SRPK2: variants seen among roughly 807,000 people sequenced by gnomAD.
SRPK2 encodes SFRS protein kinase 2.
A neutral mutation model predicts 90.8 loss-of-function variants in SRPK2; 21 were observed. The observed-to-expected ratio is 0.23, with a 90% CI of 0.16 to 0.33. The LOEUF is 0.33. Ranked by LOEUF, SRPK2 falls within the 10% of genes least tolerant of loss-of-function variation. The probability of loss-of-function intolerance (pLI) is 1.00; values close to 1 mark genes in which losing one functional copy is unlikely to be tolerated. For synonymous variants in SRPK2, 288 were observed against 311.1 expected (o/e 0.93, Z 0.78); for missense variants, 620 against 869.0 (o/e 0.71, Z 3.60).
At chr7:105,341,332 T>C (rs1041084798) in intron 2 of SRPK2, among the ~76,000 whole-genome samples, 3 of 123,478 alleles carry the variant, frequency 2.4e-5, no homozygotes, top group African/African-American at 9.7e-5. Context: ...CACTCCAGCC[T>C]GGGCGAAAGG....
intron 3 of SRPK2, among the ~76,000 whole-genome samples, chr7:105,173,756 T>C (rs188375274): frequency 2.0e-5 from 3 of 152,196 alleles, no homozygotes; most frequent in Non-Finnish European, 4.4e-5. Context: ...TATGGGACAA[T>C]AACACTGCTA....
chr7:105,287,280 A>G (rs1469697490), intron 2 of SRPK2, among the ~76,000 whole-genome samples: 6 of 136,104 alleles, frequency 4.4e-5, no homozygotes, highest in African/African-American at 5.6e-5. Context: ...AAAAAAAAAA[A>G]AAAAGAAGAA....
intron 2 of SRPK2, among the ~76,000 whole-genome samples, chr7:105,249,207 GC>G (rs1802152742): frequency 6.6e-6 from 1 of 152,120 alleles, no homozygotes; most frequent in Non-Finnish European, 1.5e-5. Flanking sequence ...ATACTCTGAG[GC>G]ATAGGGGTTT....
intron 2 of SRPK2, among the ~76,000 whole-genome samples, chr7:105,282,524 C>G (rs1436850279): frequency 6.6e-6 from 1 of 152,100 alleles, no homozygotes; most frequent in Non-Finnish European, 1.5e-5. Flanking sequence ...ATCAAAGGGC[C>G]AGGGGCAGAG....
At chr7:105,387,368 G>A (rs1184325951) in intron 2 of SRPK2, among the ~76,000 whole-genome samples, 1 of 152,138 alleles carries the variant, frequency 6.6e-6, no homozygotes, top group African/African-American at 2.4e-5. Context: ...TTGAAAGCTA[G>A]CACTAATTTT....
chr7:105,378,421 C>A (rs1044113774), intron 2 of SRPK2, among the ~76,000 whole-genome samples: 17 of 151,996 alleles, frequency 1.1e-4, no homozygotes, highest in Admixed American at 6.6e-5. Context: ...GGGCAAAAGA[C>A]TTAAAAAGGC....
intron 2 of SRPK2, among the ~76,000 whole-genome samples, chr7:105,277,502 C>A (rs1034759234): frequency 6.6e-6 from 1 of 152,224 alleles, no homozygotes; most frequent in African/African-American, 2.4e-5. Flanking sequence ...TCAAAACTGA[C>A]TGACTCATAA....
chr7:105,370,576 G>A (rs1585930073), intron 2 of SRPK2, among the ~76,000 whole-genome samples: 1 of 151,136 alleles, frequency 6.6e-6, no homozygotes, highest in African/African-American at 2.4e-5. Flanking sequence ...ATGCACTCTG[G>A]AACTGACAAG....
chr7:105,247,356 C>G (rs937899282), intron 2 of SRPK2, among the ~76,000 whole-genome samples: 5 of 152,056 alleles, frequency 3.3e-5, no homozygotes, highest in Non-Finnish European at 7.4e-5. Context: ...GTTATGAGGA[C>G]TAACTGAAAG....
At chr7:105,127,723 A>ACACCATTTGTT (rs1554409406) in intron 13 of SRPK2, among the ~76,000 whole-genome samples, 1 of 34,396 alleles carries the variant, frequency 2.9e-5, no homozygotes, top group African/African-American at 8.7e-5. Flanking sequence ...CATGTAGGGA[A>ACACCATTTGTT]CACATTTCCC....
At chr7:105,206,886 T>A (rs977812845) in intron 2 of SRPK2, among the ~76,000 whole-genome samples, 1 of 152,244 alleles carries the variant, frequency 6.6e-6, no homozygotes, top group African/African-American at 2.4e-5. Flanking sequence ...CATTTCAGCC[T>A]CACGTTGAGA....
At chr7:105,198,722 G>T (rs946315596) in intron 3 of SRPK2, among the ~76,000 whole-genome samples, 1 of 152,138 alleles carries the variant, frequency 6.6e-6, no homozygotes, top group Non-Finnish European at 1.5e-5. Context: ...CCTCGTATCA[G>T]ATACTGTGTC....
At chr7:105,148,172 G>A (rs747104535) in intron 7 of SRPK2, among the ~76,000 whole-genome samples, 5 of 152,060 alleles carry the variant, frequency 3.3e-5, no homozygotes, top group African/African-American at 4.8e-5. Context: ...ACTTACTATC[G>A]TTTTTTACTT....
intron 15 of SRPK2, among the ~76,000 whole-genome samples, chr7:105,123,100 G>A (rs1003810321): frequency 1.3e-5 from 2 of 151,938 alleles, no homozygotes; most frequent in Admixed American, 6.6e-5. Context: ...ATTCATGGAC[G>A]TGCTGATTTC....
At chr7:105,170,647 T>G (rs1393388736) in intron 3 of SRPK2, among the ~76,000 whole-genome samples, 1 of 148,420 alleles carries the variant, frequency 6.7e-6, no homozygotes, top group Non-Finnish European at 1.5e-5. Context: ...TGAGCCAAGA[T>G]CAAGCCACTG....
At chr7:105,318,860 C>T (rs1424560008) in intron 2 of SRPK2, among the ~76,000 whole-genome samples, 1 of 152,132 alleles carries the variant, frequency 6.6e-6, no homozygotes, top group Non-Finnish European at 1.5e-5. Context: ...GTAATAGCAG[C>T]GAGGTATCAG....
chr7:105,395,221 G>A (rs1451672811), intron 1 of SRPK2, among the ~76,000 whole-genome samples: 3 of 151,910 alleles, frequency 2.0e-5, no homozygotes, highest in Admixed American at 2.0e-4. Context: ...TGGATGGAGT[G>A]GTTCACACCT....
chr7:105,298,040 T>A (rs996681635), intron 2 of SRPK2, among the ~76,000 whole-genome samples: 2 of 152,206 alleles, frequency 1.3e-5, no homozygotes, highest in Non-Finnish European at 2.9e-5. Context: ...ACGCCTGGCC[T>A]GTAATTTTTA....
At chr7:105,288,001 C>T (rs78612818) in intron 2 of SRPK2, among the ~76,000 whole-genome samples, 2,346 of 152,212 alleles carry the variant, frequency 0.015, 77 homozygotes, top group African/African-American at 0.054. Flanking sequence ...AAATAGCCTC[C>T]AAAATGCCAA....
Sources: allele counts gnomAD v4.1 joint callset (sites outside exome capture counted in the v4.1 genomes callset), GRCh38; gene constraint gnomAD v4.1.1; transcripts MANE v1.5; gene names NCBI Gene and HGNC (gene_info 2026-07-23, HGNC 2026-07-21).